Variants in CADPS observed in about 807,000 individuals in gnomAD.
The protein encoded by CADPS is calcium dependent secretion activator.
Under a neutral mutation model 167.3 loss-of-function variants are expected in CADPS, and 57 were observed. The observed-to-expected ratio is 0.34, with a 90% CI of 0.28 to 0.42. The LOEUF is 0.42. Among genes scored for constraint, CADPS ranks in the 20% least tolerant of loss-of-function variants. CADPS has a pLI of 1.00. For missense variants in CADPS, 1,414 were observed against 1,738.1 expected, an observed-to-expected ratio of 0.81 and a Z score of 3.32; for synonymous variants, 676 against 635.3, an observed-to-expected ratio of 1.06 and a Z score of -0.96.
intron 28 of CADPS, among the ~76,000 whole-genome samples, chr3:62,428,422 C>T (rs2053225557): frequency 1.4e-5 from 2 of 146,322 alleles, no homozygotes; most frequent in Admixed American, 7.1e-5. Flanking sequence ...ATCTAACGTG[C>T]TGTTCCAGTT....
At chr3:62,746,663 A>G (rs1030443278) in intron 3 of CADPS, among the ~76,000 whole-genome samples, 2 of 152,188 alleles carry the variant, frequency 1.3e-5, no homozygotes, top group African/African-American at 4.8e-5. Flanking sequence ...CAGTGCATCT[A>G]TAAATAAAAA....
intron 26 of CADPS, among the ~76,000 whole-genome samples, chr3:62,457,194 C>G (rs2058791698): frequency 6.6e-6 from 1 of 152,186 alleles, no homozygotes; most frequent in Admixed American, 6.5e-5. Context: ...AATACTTACT[C>G]CAATCCACCA....
chr3:62,544,835 G>C lies in CADPS; in HGVS notation c.1966+5068C>G, dbSNP rs974052016. The C allele has an allele frequency of 2.4e-6, 3 of 1,239,972 alleles. No individual in the cohort carries two copies. Among genetic ancestry groups the C allele is most frequent in the African/African-American group, 1.6e-5 (1 of 63,590 alleles). The allele number at this position is 1,239,972 out of a possible 1,614,324, so 76.8% of individuals were successfully genotyped here. A position where few individuals can be genotyped will look rare whatever the true frequency, so the allele number is the denominator to read the frequency against. On this transcript the variant is annotated intron_variant, in intron 11 of 29. Transcript: ENST00000383710. This position sits in a 1 kb window ranked among gnomAD's most constrained non-coding sequence, Gnocchi z 4.4. ...GATTATCTGAGCTGTGCTAGCTATAGGGGAGCACTTACCCTTCAGTCCAGC... is the reference window on the plus strand; with the variant it reads ...GATTATCTGAGCTGTGCTAGCTATACGGGAGCACTTACCCTTCAGTCCAGC...
intron 21 of CADPS, among the ~76,000 whole-genome samples, chr3:62,483,924 C>G (rs73842419): frequency 0.018 from 2,748 of 152,228 alleles, 63 homozygotes; most frequent in African/African-American, 0.058. Flanking sequence ...GTTAAAATGT[C>G]AATTCTGAGC....
intron 11 of CADPS, among the ~76,000 whole-genome samples, chr3:62,541,359 C>A (rs930528749): frequency 6.6e-6 from 1 of 152,056 alleles, no homozygotes; most frequent in African/African-American, 2.4e-5. Flanking sequence ...TGTTTCACTT[C>A]GGGGGTTTAA....
chr3:62,442,927 G>A (rs907871440), intron 27 of CADPS, among the ~76,000 whole-genome samples: 2 of 152,030 alleles, frequency 1.3e-5, no homozygotes, highest in African/African-American at 2.4e-5. Flanking sequence ...TAGAATATAC[G>A]TGTATTATGT....
At chr3:62,634,665 T>C (rs1420785874) in intron 6 of CADPS, among the ~76,000 whole-genome samples, 2 of 152,188 alleles carry the variant, frequency 1.3e-5, no homozygotes, top group Non-Finnish European at 1.5e-5. Flanking sequence ...CTATTTGGTC[T>C]CCTAAAGGCA....
intron 3 of CADPS, among the ~76,000 whole-genome samples, chr3:62,747,695 ATTTCT>A (rs1039014640): frequency 1.3e-5 from 2 of 152,184 alleles, no homozygotes; most frequent in African/African-American, 4.8e-5. Context: ...AAGTTTCCTG[ATTTCT>A]TTCTTCTTCC....
chr3:62,691,634 A>T (rs1282536338), intron 3 of CADPS, among the ~76,000 whole-genome samples: 1 of 152,096 alleles, frequency 6.6e-6, no homozygotes, highest in Non-Finnish European at 1.5e-5. Context: ...TTGCAGGGAC[A>T]TGGATGGAGT....
At chr3:62,513,405 T>G (rs2068285714) in intron 16 of CADPS, among the ~76,000 whole-genome samples, 1 of 151,918 alleles carries the variant, frequency 6.6e-6, no homozygotes, top group African/African-American at 2.4e-5. Context: ...ACTGAAAAAC[T>G]TACAGACAAA....
intron 3 of CADPS, among the ~76,000 whole-genome samples, chr3:62,726,228 C>T (rs1383685456): frequency 6.6e-6 from 1 of 151,842 alleles, no homozygotes; most frequent in Non-Finnish European, 1.5e-5. Context: ...TAACTCTGGC[C>T]TGGCATAAAT....
intron 24 of CADPS, 182 bp from the exon 25 acceptor site, chr3:62,466,595 C>T (rs1312034606): frequency 1.5e-6 from 1 of 652,498 alleles, no homozygotes; most frequent in Non-Finnish European, 2.8e-6. Context: ...AGATCTGAAG[C>T]TCTTAAAAAT....
chr3:62,775,220 ATT>A (rs60886776), intron 1 of CADPS, among the ~76,000 whole-genome samples: 105 of 148,572 alleles, frequency 7.1e-4, no homozygotes, highest in Admixed American at 2.3e-3. Flanking sequence ...GTATTTTTGT[ATT>A]TTTTTTTTTT....
intron 28 of CADPS, among the ~76,000 whole-genome samples, chr3:62,426,457 G>T (rs949884686): frequency 2.0e-5 from 3 of 152,112 alleles, no homozygotes; most frequent in Non-Finnish European, 4.4e-5. Context: ...CCGTGTGTTG[G>T]TTTTTTACAC....
intron 6 of CADPS, among the ~76,000 whole-genome samples, chr3:62,640,585 T>C (rs1227351369): frequency 6.6e-6 from 1 of 152,204 alleles, no homozygotes; most frequent in African/African-American, 2.4e-5. Context: ...TCTCATTCCC[T>C]TGGAAAATAC....
intron 1 of CADPS, among the ~76,000 whole-genome samples, chr3:62,823,404 T>C (rs192130905): frequency 2.6e-5 from 4 of 152,322 alleles, no homozygotes; most frequent in Admixed American, 1.3e-4. Flanking sequence ...TTCCAAAGTT[T>C]TTCCTCATTG....
At chr3:62,404,928 G>A (rs1335175808) in intron 28 of CADPS, 1 of 152,058 alleles carries the variant, frequency 6.6e-6, no homozygotes, top group Non-Finnish European at 1.5e-5. Flanking sequence ...TGGTTGTTGG[G>A]GGGTGTTTTT....
intron 24 of CADPS, chr3:62,470,668 C>T (rs943990739): frequency 6.6e-6 from 1 of 152,196 alleles, no homozygotes; most frequent in Non-Finnish European, 1.5e-5. Context: ...TCATTTCCCA[C>T]AGCTGGTCAT....
At chr3:62,590,150 C>G (rs2085617242) in intron 7 of CADPS, among the ~76,000 whole-genome samples, 1 of 149,468 alleles carries the variant, frequency 6.7e-6, no homozygotes. Context: ...GATCACGCCA[C>G]TGTACTCCAG....
Sources: gnomAD v4.1 joint callset for allele counts (sites outside exome capture counted in the v4.1 genomes callset) on GRCh38, gnomAD v4.1.1 for gene constraint, Gnocchi (gnomAD v3.1) non-coding constraint, MANE v1.5 for transcripts, NCBI Gene and HGNC (gene_info 2026-07-23, HGNC 2026-07-21) for gene names.